The following RIC8B variants were observed in gnomAD, a reference collection of about 807,000 sequenced individuals.
The protein encoded by RIC8B is RIC8 guanine nucleotide exchange factor B, also known as chaperone Ric-8B.
Under a neutral mutation model 57.5 loss-of-function variants are expected in RIC8B, and 16 were observed. That is an observed-to-expected ratio of 0.28 (90% CI 0.19 to 0.42). RIC8B has a LOEUF of 0.42. Among genes scored for constraint, RIC8B ranks in the 10% least tolerant of loss-of-function variants. The pLI is 1.00. For missense variants in RIC8B, 481 were observed against 677.0 expected, an observed-to-expected ratio of 0.71 and a Z score of 3.21; for synonymous variants, 216 against 250.8, an observed-to-expected ratio of 0.86 and a Z score of 1.31.
chr12:106,806,229 G>C (rs920599634), intron 2 of RIC8B, among the ~76,000 whole-genome samples: 1 of 152,192 alleles, frequency 6.6e-6, no homozygotes, highest in African/African-American at 2.4e-5. Flanking sequence ...GTACAGGCAT[G>C]AGCCACTGTG....
At chr12:106,838,536 A>C (rs1185810575) in intron 4 of RIC8B, among the ~76,000 whole-genome samples, 3 of 79,026 alleles carry the variant, frequency 3.8e-5, no homozygotes, top group Admixed American at 2.3e-4. Context: ...ATACCCTGTC[A>C]AAAAAAAAAA....
At chr12:106,779,151 G>A (rs2043630497) in intron 1 of RIC8B, among the ~76,000 whole-genome samples, 1 of 152,098 alleles carries the variant, frequency 6.6e-6, no homozygotes, top group Non-Finnish European at 1.5e-5. Context: ...GACCTCAGGT[G>A]ATCTGCCCGC....
intron 2 of RIC8B, among the ~76,000 whole-genome samples, chr12:106,799,573 C>T (rs567488703): frequency 6.6e-6 from 1 of 152,170 alleles, no homozygotes; most frequent in Admixed American, 6.5e-5. Flanking sequence ...CCTTATACTT[C>T]ATAATAGGGT....
chr12:106,806,380 A>G (rs1315119110), intron 2 of RIC8B, among the ~76,000 whole-genome samples: 1 of 152,166 alleles, frequency 6.6e-6, no homozygotes, highest in Non-Finnish European at 1.5e-5. Flanking sequence ...GTGTTCCAGA[A>G]CACCACACTC....
At position 106,815,295 on chromosome 12, in the gene RIC8B, G is replaced by A; in HGVS notation, c.732G>A (p.Val244=). ...ATGTGACGGTAGACAGTTGGAAGGTGCATAAAGAGGTAAGGTAGAGAAGGC... is the reference window on the plus strand; with the variant it reads ...ATGTGACGGTAGACAGTTGGAAGGTACATAAAGAGGTAAGGTAGAGAAGGC... ...LFNVTVDSWK[V]HKESDSHQFR... The change falls in exon 3 of 10, where the codon GTG becomes GTA. Residue 244 remains valine, a synonymous_variant. Transcript: ENST00000392837. The A allele has an allele frequency of 6.2e-7, 1 of 1,609,418 alleles. No homozygotes were observed. Among genetic ancestry groups the A allele is most frequent in the East Asian group, 2.2e-5 (1 of 44,840 alleles).
intron 3 of RIC8B, among the ~76,000 whole-genome samples, chr12:106,819,710 T>C (rs2045750994): frequency 1.4e-5 from 2 of 147,394 alleles, no homozygotes. Flanking sequence ...CATTACCGCA[T>C]TCCCGCCTGG....
rs369311219 is a variant in RIC8B, at chr12:106,782,030, GTTCT to G, written c.85-1964_85-1961del. On this transcript the variant is annotated intron_variant, in intron 1 of 9. Transcript: ENST00000392837. ...CCTCTCCTCCTTCTTTCTTTTTCTT[GTTCT>G]TTATTATCTATTTAAAAAAAATTTT... Among the ~76,000 whole-genome samples, 522 of 151,046 alleles carry G rather than the reference GTTCT, an allele frequency of 3.5e-3. 3 individuals carry two copies. The highest frequency in any genetic ancestry group is 0.012 in the African/African-American group (489 of 41,078).
Position 106,827,956 on chromosome 12 carries a change from C to T in RIC8B, c.836+2136C>T, listed in dbSNP as rs144286962. Among the ~76,000 whole-genome samples the T allele has an allele frequency of 2.8e-3, 419 of 152,180 alleles. 1 individual carries two copies. Among genetic ancestry groups the T allele is most frequent in the African/African-American group, 9.2e-3 (384 of 41,518 alleles). On this transcript the variant is annotated intron_variant, in intron 4 of 9. Coordinates refer to ENST00000392837, the MANE Select transcript of RIC8B (RefSeq NM_001330145.2). ...CACAAATACATTGCCAAAGATTTCT[C>T]CGAATAATGAATTTAATATCTTGAC...
chr12:106,829,183 G>A (rs2046244707), intron 4 of RIC8B, among the ~76,000 whole-genome samples: 1 of 152,178 alleles, frequency 6.6e-6, no homozygotes, highest in Non-Finnish European at 1.5e-5. Flanking sequence ...CAGGTAGGTT[G>A]TTGGTATGAT....
chr12:106,826,858 C>T (rs752188732), intron 4 of RIC8B, among the ~76,000 whole-genome samples: 3 of 152,182 alleles, frequency 2.0e-5, no homozygotes, highest in East Asian at 3.9e-4. Context: ...GAGGCTGAGG[C>T]GGGCAGATCA....
chr12:106,884,494 G>T (rs1026203030), intron 9 of RIC8B, among the ~76,000 whole-genome samples: 2 of 152,074 alleles, frequency 1.3e-5, no homozygotes, highest in Non-Finnish European at 2.9e-5. Context: ...GAGTCATTCA[G>T]TCTCCTTTAT....
intron 4 of RIC8B, among the ~76,000 whole-genome samples, chr12:106,826,674 G>T (rs1194689463): frequency 6.6e-6 from 1 of 152,186 alleles, no homozygotes; most frequent in East Asian, 1.9e-4. Flanking sequence ...GAGAAACACT[G>T]AACCTGGGAG....
At chr12:106,856,833 A>G (rs919328985) in intron 7 of RIC8B, among the ~76,000 whole-genome samples, 2 of 152,206 alleles carry the variant, frequency 1.3e-5, no homozygotes, top group Non-Finnish European at 2.9e-5. Flanking sequence ...AGGCTGGTGA[A>G]TACAGGGTCC....
At chr12:106,868,444 C>T (rs1950231517) in intron 8 of RIC8B, 1 of 394,950 alleles carries the variant, frequency 2.5e-6, no homozygotes, top group Non-Finnish European at 5.0e-6. Context: ...ATAATAAGCA[C>T]CTTTATTCAT....
intron 1 of RIC8B, among the ~76,000 whole-genome samples, chr12:106,777,499 A>G (rs2043547810): frequency 6.6e-6 from 1 of 152,218 alleles, no homozygotes. Flanking sequence ...GAGGAGTCCA[A>G]CAGAGAGAAA....
chr12:106,790,247 G>A (rs1435791392), intron 2 of RIC8B, among the ~76,000 whole-genome samples: 2 of 152,220 alleles, frequency 1.3e-5, no homozygotes, highest in Admixed American at 6.5e-5. Flanking sequence ...TACCATTGAG[G>A]TATATTTCAG....
chr12:106,797,579 G>T (rs887516396), intron 2 of RIC8B, among the ~76,000 whole-genome samples: 1 of 152,186 alleles, frequency 6.6e-6, no homozygotes, highest in Non-Finnish European at 1.5e-5. Context: ...GATAATAAGG[G>T]TGGTTGCACA....
intron 3 of RIC8B, among the ~76,000 whole-genome samples, chr12:106,817,778 T>A (rs2045642591): frequency 6.9e-6 from 1 of 145,688 alleles, no homozygotes. Flanking sequence ...TAAGCGGAGA[T>A]CGCGCCACTG....
chr12:106,855,863 A>G (rs1350349506), intron 7 of RIC8B, among the ~76,000 whole-genome samples: 3 of 152,046 alleles, frequency 2.0e-5, no homozygotes, highest in South Asian at 2.1e-4. Flanking sequence ...ATATTTATCT[A>G]CTTGCTTACT....
Sources: gnomAD v4.1 joint callset for allele counts (sites outside exome capture counted in the v4.1 genomes callset) on GRCh38, gnomAD v4.1.1 for gene constraint, MANE v1.5 for transcripts, NCBI Gene and HGNC (gene_info 2026-07-23, HGNC 2026-07-21) for gene names.